The following CLVS1 variants were observed in gnomAD, a reference collection of about 807,000 sequenced individuals.
The protein encoded by CLVS1 is clavesin-1.
CLVS1 carries 10 observed loss-of-function variants against 33.1 expected under a neutral mutation model. That is an observed-to-expected ratio of 0.30 (90% CI 0.19 to 0.51). CLVS1 has a LOEUF of 0.51. Among genes scored for constraint, CLVS1 ranks in the 20% least tolerant of loss-of-function variants. The pLI is 0.97. For synonymous variants in CLVS1, 163 were observed against 166.1 expected, an observed-to-expected ratio of 0.98 and a Z score of 0.14; for missense variants, 343 against 433.4, an observed-to-expected ratio of 0.79 and a Z score of 1.85.
intron 3 of CLVS1, among the ~76,000 whole-genome samples, chr8:61,452,156 C>A (rs922599969): frequency 6.6e-6 from 1 of 152,246 alleles, no homozygotes; most frequent in Non-Finnish European, 1.5e-5. Context: ...TTCAACCTCC[C>A]CTGACACAAT....
At chr8:61,125,910 A>G (rs777638637) in intron 1 of CLVS1, among the ~76,000 whole-genome samples, 33 of 152,332 alleles carry the variant, frequency 2.2e-4, no homozygotes, top group Non-Finnish European at 4.3e-4. Flanking sequence ...ACAACAATTA[A>G]CGGAAAACAG....
chr8:61,201,343 T>A (rs1172492219), intron 2 of CLVS1, among the ~76,000 whole-genome samples: 4 of 151,992 alleles, frequency 2.6e-5, no homozygotes, highest in Non-Finnish European at 5.9e-5. Context: ...GTAAGAAAAG[T>A]TAGTATGAAG....
At chr8:61,356,342 A>G (rs1812706717) in intron 2 of CLVS1, among the ~76,000 whole-genome samples, 1 of 151,958 alleles carries the variant, frequency 6.6e-6, no homozygotes, top group East Asian at 1.9e-4. Flanking sequence ...AGGTTGTGAA[A>G]ATTTTCTCCC....
intron 5 of CLVS1, among the ~76,000 whole-genome samples, chr8:61,461,037 G>A (rs953842366): frequency 1.3e-5 from 2 of 152,214 alleles, no homozygotes; most frequent in African/African-American, 4.8e-5. Context: ...TTTTCAGTCA[G>A]AATTGTGTAA....
At chr8:61,258,230 C>A (rs1382011346) in intron 2 of CLVS1, among the ~76,000 whole-genome samples, 2 of 152,174 alleles carry the variant, frequency 1.3e-5, no homozygotes, top group Admixed American at 1.3e-4. Flanking sequence ...AATGTATCTG[C>A]AGATTTTTGA....
At chr8:61,112,179 T>TACACACACAC (rs749547863) in intron 1 of CLVS1, among the ~76,000 whole-genome samples, 11 of 89,160 alleles carry the variant, frequency 1.2e-4, no homozygotes, top group East Asian at 5.4e-4. Flanking sequence ...TTCTCCGTGC[T>TACACACACAC]ACACACACAC....
chr8:61,005,608 C>A, the CLVS1 span, among the ~76,000 whole-genome samples: 1 of 152,134 alleles, frequency 6.6e-6, no homozygotes, highest in African/African-American at 2.4e-5. Context: ...CGAATAAACC[C>A]AAAGGTAACA....
chr8:61,190,817 A>G (rs1807455918), intron 2 of CLVS1, among the ~76,000 whole-genome samples: 1 of 152,200 alleles, frequency 6.6e-6, no homozygotes, highest in South Asian at 2.1e-4. Context: ...TCCCAAGACT[A>G]AACAAGGAAG....
intron 1 of CLVS1, among the ~76,000 whole-genome samples, chr8:61,080,660 T>G (rs1805004375): frequency 6.6e-6 from 1 of 152,248 alleles, no homozygotes; most frequent in Non-Finnish European, 1.5e-5. Flanking sequence ...GAGTAACTAT[T>G]GTTTGCAAAG....
At chr8:61,155,858 A>G (rs1806636478) in intron 2 of CLVS1, among the ~76,000 whole-genome samples, 1 of 152,168 alleles carries the variant, frequency 6.6e-6, no homozygotes, top group Non-Finnish European at 1.5e-5. Flanking sequence ...CTGTTACCCC[A>G]GGCACTCATC....
intron 5 of CLVS1, among the ~76,000 whole-genome samples, chr8:61,472,483 T>C (rs1817766991): frequency 6.6e-6 from 1 of 152,146 alleles, no homozygotes; most frequent in Non-Finnish European, 1.5e-5. Context: ...CTCTATTTTG[T>C]AGAGTGATGA....
intron 1 of CLVS1, among the ~76,000 whole-genome samples, chr8:61,297,183 A>G (rs1318311652): frequency 1.3e-5 from 2 of 152,150 alleles, no homozygotes; most frequent in Admixed American, 6.6e-5. Context: ...ATCATGTTAC[A>G]TAGTTTTATA....
chr8:61,363,588 G>A (rs1415974096), intron 2 of CLVS1, among the ~76,000 whole-genome samples: 1 of 152,204 alleles, frequency 6.6e-6, no homozygotes, highest in East Asian at 1.9e-4. Flanking sequence ...ACCTGGTAGA[G>A]CAAAATTAAC....
rs537317609 is a variant in CLVS1 at position 61,069,236 on chromosome 8, G to A, written c.-243+12006G>A. On this transcript the variant is annotated intron_variant, in intron 1 of 2. Transcript: ENST00000522621. ...ACCTGCCTCAGCCTCCCAAAGTGCT[G>A]GGATTACAGGCATGAGCCACCGCGC... is the stretch of plus-strand genomic sequence containing the variant. Among the ~76,000 whole-genome samples, 3 of 152,268 alleles carry A rather than the reference G, an allele frequency of 2.0e-5. No homozygotes were observed. In the East Asian group the frequency reaches 5.8e-4, roughly 29 times the overall value.
At chr8:61,416,093 G>A (rs1815418880) in intron 3 of CLVS1, among the ~76,000 whole-genome samples, 1 of 152,198 alleles carries the variant, frequency 6.6e-6, no homozygotes, top group Non-Finnish European at 1.5e-5. Context: ...ACCTGCAGAT[G>A]TGGAGACATG....
At chr8:61,273,516 C>A (rs561194850) in intron 2 of CLVS1, among the ~76,000 whole-genome samples, 1 of 152,250 alleles carries the variant, frequency 6.6e-6, no homozygotes, top group Non-Finnish European at 1.5e-5. Context: ...TGGTGGGCTC[C>A]GCCCAGTTGG....
intron 2 of CLVS1, among the ~76,000 whole-genome samples, chr8:61,310,113 T>C (rs1801377464): frequency 6.6e-6 from 1 of 152,160 alleles, no homozygotes; most frequent in South Asian, 2.1e-4. Flanking sequence ...CCCCAAAGCC[T>C]ATTAAGAGAA....
chr8:61,365,388 G>A lies in CLVS1; in HGVS notation c.456-11217G>A, dbSNP rs536408792. Among the ~76,000 whole-genome samples, 34 of 152,230 alleles carry A rather than the reference G, an allele frequency of 2.2e-4. No individual in the cohort carries two copies. The South Asian group carries it at 4.4e-3, about 20-fold the overall frequency. The stretch of plus-strand genomic sequence containing the variant: ...CCAAAAATATAAAAATTAGCTGGGT[G>A]TGGTGGTGGGTGCCTGTAATCCCGG... On this transcript the variant is annotated intron_variant, in intron 2 of 5. Coordinates refer to ENST00000325897, the MANE Select transcript of CLVS1 (RefSeq NM_173519.3).
chr8:61,490,905 G>C (rs938624379), intron 5 of CLVS1, among the ~76,000 whole-genome samples: 1 of 150,440 alleles, frequency 6.6e-6, no homozygotes, highest in Non-Finnish European at 1.5e-5. Context: ...AGGTTACAGT[G>C]AGCCGAGATC....
Sources: allele counts gnomAD v4.1 joint callset (sites outside exome capture counted in the v4.1 genomes callset), GRCh38; gene constraint gnomAD v4.1.1; transcripts MANE v1.5; gene names NCBI Gene and HGNC (gene_info 2026-07-23, HGNC 2026-07-21).